PAG1: variants seen among roughly 807,000 people sequenced by gnomAD.
The protein encoded by PAG1 is phosphoprotein associated with glycosphingolipid-enriched microdomains 1.
Under a neutral mutation model 31.7 loss-of-function variants are expected in PAG1, and 23 were observed. The ratio of observed to expected loss-of-function variants is 0.73; its 90% CI spans 0.52 to 1.03. The LOEUF (loss-of-function observed/expected upper bound fraction) is 1.03. Ranked by LOEUF, PAG1 falls within the 50% of genes least tolerant of loss-of-function variation. PAG1 has a pLI of 0.00. For missense variants in PAG1, 473 were observed against 540.7 expected, an observed-to-expected ratio of 0.87 and a Z score of 1.24; for synonymous variants, 214 against 210.3, an observed-to-expected ratio of 1.02 and a Z score of -0.15.
chr8:81,097,453 G>T (rs1809545473), intron 1 of PAG1, among the ~76,000 whole-genome samples: 1 of 152,128 alleles, frequency 6.6e-6, no homozygotes, highest in South Asian at 2.1e-4. Context: ...TACCAAGGCA[G>T]GACAAGTTTA....
At chr8:81,025,956 C>T (rs931638258) in intron 3 of PAG1, among the ~76,000 whole-genome samples, 2 of 152,108 alleles carry the variant, frequency 1.3e-5, no homozygotes, top group Non-Finnish European at 2.9e-5. Flanking sequence ...GCAAGCTCTG[C>T]TATGGTCCAG....
chr8:81,000,974 C>A (rs1346020162), intron 3 of PAG1, among the ~76,000 whole-genome samples: 1 of 152,244 alleles, frequency 6.6e-6, no homozygotes, highest in Non-Finnish European at 1.5e-5. Flanking sequence ...AGGTTCCTCA[C>A]ACAAGCCTCA....
rs554665675 is a variant in PAG1, at chr8:81,027,434, G to C, written c.-81+2562C>G. Reference sequence around the variant, plus strand: ...CGTGTGAATCATGTCACAAGTGGTGGAGTAAAGGACCTGCTTTTGTTACAT... The same window carrying C: ...CGTGTGAATCATGTCACAAGTGGTGCAGTAAAGGACCTGCTTTTGTTACAT... On this transcript the variant is annotated intron_variant, in intron 3 of 8. Transcript: ENST00000220597. Among the ~76,000 whole-genome samples the C allele has an allele frequency of 4.6e-5, 7 of 152,320 alleles. No individual in the cohort carries two copies. In the East Asian group the frequency reaches 9.6e-4, roughly 21 times the overall value.
intron 1 of PAG1, among the ~76,000 whole-genome samples, chr8:81,091,682 C>T (rs916530233): frequency 6.6e-6 from 1 of 152,054 alleles, no homozygotes; most frequent in Non-Finnish European, 1.5e-5. Context: ...GTATGTGGTA[C>T]ATGATTACAT....
chr8:81,102,446 T>G (rs965450548), intron 1 of PAG1, among the ~76,000 whole-genome samples: 1 of 152,166 alleles, frequency 6.6e-6, no homozygotes, highest in Non-Finnish European at 1.5e-5. Flanking sequence ...AAATGTAAAA[T>G]AGGCACCATG....
At chr8:81,015,366 GTC>G (rs1314491103) in intron 3 of PAG1, among the ~76,000 whole-genome samples, 3 of 152,160 alleles carry the variant, frequency 2.0e-5, no homozygotes, top group Middle Eastern at 6.3e-3. Flanking sequence ...GTACTTGACC[GTC>G]TCTGGTTCTT....
chr8:81,091,441 T>C (rs1334909388), intron 1 of PAG1, among the ~76,000 whole-genome samples: 1 of 152,176 alleles, frequency 6.6e-6, no homozygotes, highest in Non-Finnish European at 1.5e-5. Flanking sequence ...AATTTCATCA[T>C]GCGAACATCA....
At chr8:81,043,879 T>G (rs1586184437) in intron 2 of PAG1, among the ~76,000 whole-genome samples, 1 of 152,256 alleles carries the variant, frequency 6.6e-6, no homozygotes, top group East Asian at 1.9e-4. Context: ...TTTTAGTACC[T>G]TCTGGGAATT....
In PAG1 at chr8:81,094,508, T is replaced by G. The variant is rs77866586; in HGVS notation, c.-234+17083A>C. The stretch of plus-strand genomic sequence containing the variant: ...TTTTCTGTGAGGCCTAATGGTTGGG[T>G]TTCTAGGTCTATGGGTGATAAAATT... On this transcript the variant is annotated intron_variant, in intron 1 of 8. Coordinates refer to ENST00000220597, the MANE Select transcript of PAG1 (RefSeq NM_018440.4). 4.0e-3 allele frequency among the ~76,000 whole-genome samples: 609 copies of G among 152,020 alleles called. 6 individuals carry two copies. Among genetic ancestry groups the G allele is most frequent in the African/African-American group, 0.014 (582 of 41,422 alleles).
At chr8:81,039,154 T>C (rs568596777) in intron 2 of PAG1, among the ~76,000 whole-genome samples, 20 of 152,292 alleles carry the variant, frequency 1.3e-4, no homozygotes, top group African/African-American at 3.8e-4. Context: ...TGTGTGTGTG[T>C]GCATGTGCCT....
At chr8:81,052,140 A>C (rs1586189637) in intron 2 of PAG1, among the ~76,000 whole-genome samples, 3 of 152,106 alleles carry the variant, frequency 2.0e-5, no homozygotes, top group African/African-American at 7.2e-5. Context: ...AAAAAAAAAA[A>C]AAAAAGACTA....
At position 80,967,990 on chromosome 8, in the gene PAG1, C is replaced by T. The variant is rs2130239156; in HGVS notation, c.*8554G>A. Reference sequence around the variant, plus strand: ...TAAACTCCAGTCTTTTCTGGATATTCAATTGAAATACTACTGGCAGAAACA... The same window carrying T: ...TAAACTCCAGTCTTTTCTGGATATTTAATTGAAATACTACTGGCAGAAACA... On this transcript the variant is annotated 3_prime_UTR_variant, in exon 9 of 9. Coordinates refer to ENST00000220597, the MANE Select transcript of PAG1 (RefSeq NM_018440.4). The T allele has an allele frequency of 6.9e-6, 1 of 144,498 alleles. No homozygotes were observed. Among genetic ancestry groups the T allele is most frequent in the Middle Eastern group, 3.4e-3 (1 of 292 alleles). The allele number at this position is 144,498 out of a possible 1,614,324, so 9.0% of individuals were successfully genotyped here.
In PAG1 at chr8:81,087,257, C is replaced by G. The variant is rs139711459; in HGVS notation, c.-233-17087G>C. ...ATTCTGGAGGCTGAGGCAGGAGAAT[C>G]GCTTGAACCCAGGAGGTGGAGGTTG... On this transcript the variant is annotated intron_variant, in intron 1 of 8. Transcript: ENST00000220597. Among the ~76,000 whole-genome samples, 1,262 of 150,464 alleles carry G rather than the reference C, an allele frequency of 8.4e-3. 14 individuals are homozygous for G. The highest frequency in any genetic ancestry group is 0.028 in the African/African-American group (1,133 of 40,810).
chr8:81,024,297 G>T (rs1808236990), intron 3 of PAG1, among the ~76,000 whole-genome samples: 1 of 152,174 alleles, frequency 6.6e-6, no homozygotes, highest in African/African-American at 2.4e-5. Flanking sequence ...CCAATGCTAA[G>T]TTAGAGATGC....
chr8:80,991,817 G>A (rs191360608), intron 4 of PAG1, among the ~76,000 whole-genome samples: 27 of 151,138 alleles, frequency 1.8e-4, no homozygotes, highest in Middle Eastern at 7.1e-3. Flanking sequence ...CTGGGCCTGC[G>A]TAGAAATTGT....
At chr8:81,014,136 T>G (rs1808032445) in intron 3 of PAG1, among the ~76,000 whole-genome samples, 1 of 152,180 alleles carries the variant, frequency 6.6e-6, no homozygotes, top group Admixed American at 6.5e-5. Context: ...GTAAAAAATA[T>G]GGAATCCCCC....
At chr8:81,003,112 A>C (rs573004355) in intron 3 of PAG1, among the ~76,000 whole-genome samples, 1 of 152,196 alleles carries the variant, frequency 6.6e-6, no homozygotes, top group Admixed American at 6.5e-5. Context: ...CAGACTTATG[A>C]CTCAGACACT....
intron 3 of PAG1, among the ~76,000 whole-genome samples, chr8:81,007,975 G>A (rs1379911520): frequency 3.3e-5 from 5 of 152,150 alleles, no homozygotes; most frequent in African/African-American, 4.8e-5. Context: ...AAGAAGATGT[G>A]TTTTTAGGAC....
intron 1 of PAG1, among the ~76,000 whole-genome samples, chr8:81,091,169 C>A (rs1293344717): frequency 6.6e-6 from 1 of 152,146 alleles, no homozygotes; most frequent in Non-Finnish European, 1.5e-5. Flanking sequence ...TATTGGCCTC[C>A]TCTATTGAAT....
Sources: allele counts gnomAD v4.1 joint callset (sites outside exome capture counted in the v4.1 genomes callset), GRCh38; gene constraint gnomAD v4.1.1; transcripts MANE v1.5; gene names NCBI Gene and HGNC (gene_info 2026-07-23, HGNC 2026-07-21).